The following IRF2BP2 variants were observed in gnomAD, a reference collection of about 807,000 sequenced individuals.
The protein encoded by IRF2BP2 is interferon regulatory factor 2 binding protein 2.
IRF2BP2 carries 13 observed loss-of-function variants against 32.7 expected under a neutral mutation model. The observed-to-expected ratio is 0.40, with a 90% confidence interval of 0.26 to 0.63. The LOEUF (loss-of-function observed/expected upper bound fraction) is 0.63. Among genes scored for constraint, IRF2BP2 ranks in the 30% least tolerant of loss-of-function variants. IRF2BP2 has a pLI of 0.42. For missense variants in IRF2BP2, 980 were observed against 830.6 expected (o/e 1.18, Z -2.21); for synonymous variants, 555 against 384.6 (o/e 1.44, Z -5.18).
Position 234,606,613 on chromosome 1 carries a change from A to C in IRF2BP2, c.*524T>G, listed in dbSNP as rs147260869. 1 of 153,280 alleles carries C rather than the reference A, an allele frequency of 6.5e-6. No individual in the cohort carries two copies. The highest frequency in any genetic ancestry group is 1.9e-4 in the East Asian group (1 of 5,216). 9.5% of individuals were successfully genotyped at this position (153,280 alleles called of 1,614,324 possible). On this transcript the variant is annotated 3_prime_UTR_variant, in exon 2 of 2. Transcript: ENST00000366609. ...TCCTCTGAGGACAATGTTTCAGGGT[A>C]AACTGGTGGTATTTCCCAGTGGCAT... is the stretch of plus-strand genomic sequence containing the variant.
Position 234,607,598 on chromosome 1 carries a change from C to A in IRF2BP2, c.1303G>T (p.Ala435Ser), listed in dbSNP as rs1470214539. ...TCTTTTGAGGCATGACTGCCCCCTG[C>A]ATTGTCTGCTACTAAGATCAGGGCT... ...MAALILVADN[A>S]GGSHASKDAN... The change falls in exon 2 of 2, where the codon GCA becomes TCA. Residue 435 changes from alanine to serine, a missense_variant. Ala to Ser is a moderately conservative substitution (Grantham distance 99). Coordinates refer to ENST00000366609, the MANE Select transcript of IRF2BP2 (RefSeq NM_182972.3). 1.2e-6 allele frequency: 2 copies of A among 1,614,246 alleles called. No individual in the cohort carries two copies. Among genetic ancestry groups the A allele is most frequent in the Admixed American group, 3.3e-5 (2 of 60,028 alleles).
rs1469582897 is a variant in IRF2BP2, at chr1:234,606,237, G to A, written c.*900C>T. On this transcript the variant is annotated 3_prime_UTR_variant, in exon 2 of 2. Coordinates refer to ENST00000366609, the MANE Select transcript of IRF2BP2 (RefSeq NM_182972.3). ...TCTCTTGCAACTCTTTCAAAATAAA[G>A]GACAACAGCAACAACAAACAGACCT... 1 of 152,228 alleles carries A rather than the reference G, an allele frequency of 6.6e-6. No individual in the cohort carries two copies. The highest frequency in any genetic ancestry group is 2.4e-5 in the African/African-American group (1 of 41,448). 9.4% of individuals were successfully genotyped at this position (152,228 alleles called of 1,614,324 possible).
chr1:234,608,377 A>T, intron 1 of IRF2BP2, 70 bp downstream of exon 1: 1 of 1,261,442 alleles, frequency 7.9e-7, no homozygotes. Context: ...GTGAATCCAA[A>T]GAACCACCCT....
rs1198314755 is a variant in IRF2BP2 at position 234,609,698 on chromosome 1, G to A, written c.-204C>T. Among the ~76,000 whole-genome samples the A allele has an allele frequency of 1.4e-5, 2 of 144,910 alleles. No homozygotes were observed. The highest frequency in any genetic ancestry group is 1.4e-4 in the Admixed American group (2 of 14,684). ...CCCGCGCAGCGCCCCCGGTGCACGAGGGGCGGCGGGCGCGAGGTGAGGGGC... is the reference window on the plus strand; with the variant it reads ...CCCGCGCAGCGCCCCCGGTGCACGAAGGGCGGCGGGCGCGAGGTGAGGGGC... On this transcript the variant is annotated 5_prime_UTR_variant, in exon 1 of 2. Transcript: ENST00000366609.
In IRF2BP2 at chr1:234,605,627, A is replaced by C. The variant is rs957675411; in HGVS notation, c.*1510T>G. ...TGTGAACCATACACATAAATTGTAG[A>C]CCTTGAAGCCATAATTCAGCCTAAT... On this transcript the variant is annotated 3_prime_UTR_variant, in exon 2 of 2. Coordinates refer to ENST00000366609, the MANE Select transcript of IRF2BP2 (RefSeq NM_182972.3). 4.6e-5 allele frequency: 7 copies of C among 152,274 alleles called. No individual in the cohort carries two copies. Among genetic ancestry groups the C allele is most frequent in the Non-Finnish European group, 8.8e-5 (6 of 68,048 alleles). 9.4% of individuals were successfully genotyped at this position (152,274 alleles called of 1,614,324 possible). A position where few individuals can be genotyped will look rare whatever the true frequency, so the allele number is the denominator to read the frequency against.
At position 234,609,872 on chromosome 1, in the gene IRF2BP2, A is replaced by G. The variant is rs1298620378; in HGVS notation, c.-378T>C. Among the ~76,000 whole-genome samples the G allele has an allele frequency of 2.6e-5, 3 of 114,978 alleles. No homozygotes were observed. The East Asian group carries it at 8.5e-4, about 32-fold the overall frequency. 75.4% of individuals were successfully genotyped at this position (114,978 alleles called of 152,430 possible). ...AAGACGGGCCGCGCGGGCGCGGGGG[A>G]GCGCAGCAGGTCGCGGCGGCGGCCG... On this transcript the variant is annotated 5_prime_UTR_variant, in exon 1 of 2. Coordinates refer to ENST00000366609, the MANE Select transcript of IRF2BP2 (RefSeq NM_182972.3).
Position 234,609,351 on chromosome 1 carries a change from G to A in IRF2BP2, c.144C>T (p.Arg48=). Residue 48 remains arginine, a synonymous_variant, in exon 1 of 2, where the codon CGC becomes CGT. Coordinates refer to ENST00000366609, the MANE Select transcript of IRF2BP2 (RefSeq NM_182972.3). Reference sequence around the variant, plus strand: ...GCGCCGTCTCGATGACGAACTCGACGCGGTCGGCGCCCTCGTAGTTGACGC... The same window carrying A: ...GCGCCGTCTCGATGACGAACTCGACACGGTCGGCGCCCTCGTAGTTGACGC... The part of the protein sequence containing the change: ...RGCVNYEGAD[R]VEFVIETARQ... 1 of 1,540,174 alleles carries A rather than the reference G, an allele frequency of 6.5e-7. No homozygotes were observed.
rs778815968 is a variant in IRF2BP2 at position 234,608,620 on chromosome 1, C to A, written c.875G>T (p.Gly292Val). The A allele has an allele frequency of 3.2e-6, 5 of 1,577,290 alleles. No homozygotes were observed. The Middle Eastern group carries it at 5.2e-4, about 163-fold the overall frequency. The change falls in exon 1 of 2, where the codon GGG becomes GTG. Residue 292 changes from glycine to valine, a missense_variant. Transcript: ENST00000366609. ...LSAEGAGKSR[G>V]SGEQDWVNRP... ...GTTGACCCAGTCCTGCTCTCCAGAC[C>A]CGCGGCTCTTGCCCGCACCTTCCGC... is the stretch of plus-strand genomic sequence containing the variant.
chr1:234,607,157 TCACTTTCA>T lies in IRF2BP2; in HGVS notation c.1736_1743del (p.Val579GlufsTer20). The T allele has an allele frequency of 6.2e-7, 1 of 1,608,298 alleles. No homozygotes were observed. The highest frequency in any genetic ancestry group is 8.5e-7 in the Non-Finnish European group (1 of 1,175,566). ...AAAAGTCACGAGTCTCTCTCTTTTT[TCACTTTCA>T]CATCTCCAGCAAGGATGGTTGCAAT... On this transcript the variant is annotated frameshift_variant, in exon 2 of 2. Coordinates refer to ENST00000366609, the MANE Select transcript of IRF2BP2 (RefSeq NM_182972.3). LOFTEE classifies it high-confidence loss of function.
In IRF2BP2 at chr1:234,607,470, C is replaced by G; in HGVS notation, c.1431G>C (p.Gln477His). The change falls in exon 2 of 2, where the codon CAG (glutamine) becomes CAC (histidine). Residue 477 changes from glutamine to histidine, a missense_variant. By Grantham distance (24) the Gln-to-His change is conservative. Coordinates refer to ENST00000366609, the MANE Select transcript of IRF2BP2 (RefSeq NM_182972.3). ...CCAGTCCTCCTGTGTTGCCTGCTCC[C>G]TGGCCCCCCACCTCTCTGGGGCCCA... ...RRLGPREVGG[Q>H]GAGNTGGLEP... is the part of the protein sequence containing the mutation. The G allele has an allele frequency of 6.2e-7, 1 of 1,614,164 alleles. No individual in the cohort carries two copies. The highest frequency in any genetic ancestry group is 1.1e-5 in the South Asian group (1 of 91,086).
rs1328777268 is a variant in IRF2BP2 at position 234,604,294 on chromosome 1, T to C, written c.*2843A>G. The C allele has an allele frequency of 2.0e-5, 3 of 152,216 alleles. No individual in the cohort carries two copies. Among genetic ancestry groups the C allele is most frequent in the African/African-American group, 4.8e-5 (2 of 41,448 alleles). 9.4% of individuals were successfully genotyped at this position (152,216 alleles called of 1,614,324 possible). A position where few individuals can be genotyped will look rare whatever the true frequency, so the allele number is the denominator to read the frequency against. On this transcript the variant is annotated 3_prime_UTR_variant, in exon 2 of 2. Transcript: ENST00000366609. Reference sequence around the variant, plus strand: ...TTCAGTGCTCCCAATTTTATTTTTATTTAATGCTAAAAGTTAAAGAAAAAA... The same window carrying C: ...TTCAGTGCTCCCAATTTTATTTTTACTTAATGCTAAAAGTTAAAGAAAAAA...
chr1:234,605,886 A>G lies in IRF2BP2; in HGVS notation c.*1251T>C, dbSNP rs770558176. 1 of 152,250 alleles carries G rather than the reference A, an allele frequency of 6.6e-6. No individual in the cohort carries two copies. The highest frequency in any genetic ancestry group is 2.1e-4 in the South Asian group (1 of 4,836). The allele number at this position is 152,250 out of a possible 1,614,324, so 9.4% of individuals were successfully genotyped here. On this transcript the variant is annotated 3_prime_UTR_variant, in exon 2 of 2. Coordinates refer to ENST00000366609, the MANE Select transcript of IRF2BP2 (RefSeq NM_182972.3). ...TTTTGAGAGGTGGGGCCTGTCTATT[A>G]TATAAAACCCTTAATTTCTTTAATT...
Position 234,610,169 on chromosome 1 carries a change from C to T in IRF2BP2, c.-675G>A, listed in dbSNP as rs1214647849. The stretch of plus-strand genomic sequence containing the variant: ...TGCTGCTGCTGCCGCCGCGACCGCT[C>T]CACTTCTACAGACTTGATTCTTCGA... On this transcript the variant is annotated 5_prime_UTR_variant, in exon 1 of 2. Coordinates refer to ENST00000366609, the MANE Select transcript of IRF2BP2 (RefSeq NM_182972.3). Among the ~76,000 whole-genome samples the T allele has an allele frequency of 1.3e-5, 2 of 148,780 alleles. No homozygotes were observed. Among genetic ancestry groups the T allele is most frequent in the Admixed American group, 6.7e-5 (1 of 15,024 alleles).
At position 234,607,690 on chromosome 1, in the gene IRF2BP2, G is replaced by A; in HGVS notation, c.1211C>T (p.Thr404Ile). The A allele has an allele frequency of 1.2e-6, 2 of 1,614,224 alleles. No homozygotes were observed. The highest frequency in any genetic ancestry group is 1.7e-6 in the Non-Finnish European group (2 of 1,180,030). ...TSSFVSPPPP[T>I]ASPHSNRTTP... ...GGTCCGGTTGGAATGAGGTGAGGCA[G>A]TGGGTGGTGGCGGAGACACAAAAGA... The change falls in exon 2 of 2, where the codon ACT (threonine) becomes ATT (isoleucine). Residue 404 changes from threonine to isoleucine, a missense_variant. Thr to Ile is a moderately conservative substitution (Grantham distance 89, BLOSUM62 -1). Coordinates refer to ENST00000366609, the MANE Select transcript of IRF2BP2 (RefSeq NM_182972.3).
rs1464435516 is a variant in IRF2BP2 at position 234,607,179 on chromosome 1, G to A, written c.1722C>T (p.Ile574=). ...TTTTCACTTTCACATCTCCAGCAAG[G>A]ATGGTTGCAATTTCCCCTTGCATAA... ...WAFMQGEIAT[I]LAGDVKVKKE... The change falls in exon 2 of 2, where the codon ATC becomes ATT. Residue 574 remains isoleucine, a synonymous_variant. Transcript: ENST00000366609. 1.2e-6 allele frequency: 2 copies of A among 1,612,784 alleles called. No individual in the cohort carries two copies. Among genetic ancestry groups the A allele is most frequent in the African/African-American group, 2.7e-5 (2 of 74,896 alleles).
rs1024699463 is a variant in IRF2BP2, at chr1:234,609,054, C to T, written c.441G>A (p.Thr147=). ...TGCCGTTCACGGGCGGCGGCTGCGG[C>T]GTCGGCGGCTGGGCCAGGCTCGCTG... ...RPAASLAQPP[T]PQPPPVNGIL... is the part of the protein sequence containing the mutation. The change falls in exon 1 of 2, where the codon ACG becomes ACA. Residue 147 remains threonine, a synonymous_variant. Transcript: ENST00000366609. 4.7e-6 allele frequency: 6 copies of T among 1,286,622 alleles called. No individual in the cohort carries two copies. Among genetic ancestry groups the T allele is most frequent in the Non-Finnish European group, 5.9e-6 (6 of 1,019,370 alleles). 79.7% of individuals were successfully genotyped at this position (1,286,622 alleles called of 1,614,324 possible). A position where few individuals can be genotyped will look rare whatever the true frequency, so the allele number is the denominator to read the frequency against.
chr1:234,607,377 G>A lies in IRF2BP2; in HGVS notation c.1524C>T (p.Leu508=), dbSNP rs768941217. The change falls in exon 2 of 2, where the codon CTC becomes CTT. Residue 508 remains leucine, a synonymous_variant. Coordinates refer to ENST00000366609, the MANE Select transcript of IRF2BP2 (RefSeq NM_182972.3). ...LATSAPLCCT[L]CHERLEDTHF... ...GGGTGTCCTCCAGCCGCTCGTGGCA[G>A]AGGGTGCAGCACAGCGGGGCACTGG... 7 of 1,614,212 alleles carry A rather than the reference G, an allele frequency of 4.3e-6. No homozygotes were observed. The South Asian group carries it at 5.5e-5, about 13-fold the overall frequency.
At position 234,608,520 on chromosome 1, in the gene IRF2BP2, A is replaced by C. The variant is rs982459526; in HGVS notation, c.975T>G (p.Phe325Leu). The C allele has an allele frequency of 1.4e-5, 23 of 1,610,778 alleles. No homozygotes were observed. The highest frequency in any genetic ancestry group is 1.9e-5 in the Non-Finnish European group (22 of 1,179,148). The change falls in exon 1 of 2, where the codon TTT becomes TTG. Residue 325 changes from phenylalanine (F) to leucine (L), a missense_variant. Phe to Leu is a conservative substitution (Grantham distance 22, BLOSUM62 0). Transcript: ENST00000366609. The part of the protein sequence containing the change: ...HGHSGPFESK[F>L]KKEPALTAGR... ...CTGCAGTCAGGGCCGGCTCCTTCTT[A>C]AACTTGCTCTCGAAGGGCCCCGAGT...
Position 234,610,051 on chromosome 1 carries a change from G to T in IRF2BP2, c.-557C>A, listed in dbSNP as rs2102771104. On this transcript the variant is annotated 5_prime_UTR_variant, in exon 1 of 2. Coordinates refer to ENST00000366609, the MANE Select transcript of IRF2BP2 (RefSeq NM_182972.3). ...TCGGGCGCGGCGCGGGCCCCGGGTCGCTCCGCCGCTCTCTCACAGCTCCTG... is the reference window on the plus strand; with the variant it reads ...TCGGGCGCGGCGCGGGCCCCGGGTCTCTCCGCCGCTCTCTCACAGCTCCTG... 6.8e-6 allele frequency among the ~76,000 whole-genome samples: 1 copy of T among 146,914 alleles called. No homozygotes were observed. Among genetic ancestry groups the T allele is most frequent in the South Asian group, 2.1e-4 (1 of 4,794 alleles).
Sources: allele counts gnomAD v4.1 joint callset (sites outside exome capture counted in the v4.1 genomes callset), GRCh38; gene constraint gnomAD v4.1.1; transcripts MANE v1.5; gene names NCBI Gene and HGNC (gene_info 2026-07-23, HGNC 2026-07-21).